The following LMNB2 variants were observed in gnomAD, a reference collection of about 807,000 sequenced individuals.
LMNB2 encodes lamin-B2.
Under a neutral mutation model 69.3 loss-of-function variants are expected in LMNB2, and 17 were observed. That is an observed-to-expected ratio of 0.25 (90% confidence interval 0.17 to 0.37). The LOEUF (loss-of-function observed/expected upper bound fraction) is 0.37. LMNB2 is among the 10% of genes least tolerant of loss of function. The pLI is 1.00. For synonymous variants in LMNB2, 397 were observed against 389.3 expected, an observed-to-expected ratio of 1.02 and a Z score of -0.23; for missense variants, 789 against 883.6, an observed-to-expected ratio of 0.89 and a Z score of 1.36.
intron 1 of LMNB2, 133 bp downstream of exon 1, chr19:2,456,526 GCCCCCCGAAAC>G: frequency 1.2e-6 from 1 of 836,822 alleles, no homozygotes; most frequent in Non-Finnish European, 1.6e-6. Flanking sequence ...TCACTCAGGG[GCCCCCCGAAAC>G]CCCGCGGAAA....
chr19:2,435,010 G>T lies in LMNB2; in HGVS notation c.846C>A (p.Tyr282Ter). The T allele has an allele frequency of 6.2e-7, 1 of 1,607,622 alleles. No homozygotes were observed. Residue 282 changes from tyrosine (Y) to a stop codon, truncating the protein, a stop_gained, in exon 5 of 12, where the codon TAC becomes TAA. Transcript: ENST00000325327. LOFTEE classifies it high-confidence loss of function. The stretch of plus-strand genomic sequence containing the variant: ...CGCCTGCCGGCCACACCTTGGCCTG[G>T]TAGGTCTGCTCCAGCTCCAGCTTGT... ...RLYKLELEQT[Y>*]QAKLDSAKLS... is the part of the protein sequence containing the mutation.
chr19:2,433,809 C>T lies in LMNB2; in HGVS notation c.1482+17G>A. The T allele has an allele frequency of 6.2e-7, 1 of 1,613,086 alleles. No homozygotes were observed. The highest frequency in any genetic ancestry group is 8.5e-7 in the Non-Finnish European group (1 of 1,179,850). On this transcript the variant is annotated intron_variant, in intron 8 of 11. Coordinates refer to ENST00000325327, the MANE Select transcript of LMNB2 (RefSeq NM_032737.4). Reference sequence around the variant, plus strand: ...TGGGTCACCCCGTTACCCCCATGCCCCGGTCTTTCCGGTCACCTTGTCCGA... The same window carrying T: ...TGGGTCACCCCGTTACCCCCATGCCTCGGTCTTTCCGGTCACCTTGTCCGA...
chr19:2,450,077 A>G (rs1458755490), intron 1 of LMNB2, among the ~76,000 whole-genome samples: 1 of 136,270 alleles, frequency 7.3e-6, no homozygotes, highest in Non-Finnish European at 1.5e-5. Flanking sequence ...TCCGTCTCAA[A>G]AAAAAGAAAA....
intron 1 of LMNB2, among the ~76,000 whole-genome samples, chr19:2,456,320 C>T (rs530488459): frequency 6.7e-6 from 1 of 149,862 alleles, no homozygotes; most frequent in African/African-American, 2.5e-5. Context: ...GAGCCTGTCC[C>T]CGTCTGCACC....
chr19:2,450,166 C>A lies in LMNB2; in HGVS notation c.265-5626G>T, dbSNP rs186680274. Among the ~76,000 whole-genome samples, 4 of 146,280 alleles carry A rather than the reference C, an allele frequency of 2.7e-5. No individual in the cohort carries two copies. In the East Asian group the frequency reaches 8.7e-4, roughly 32 times the overall value. ...TAAAACATTACTCATCCCATCGCCC[C>A]AGCGTGACGATGAGCAAAACAACAC... is the stretch of plus-strand genomic sequence containing the variant. On this transcript the variant is annotated intron_variant, in intron 1 of 11. Transcript: ENST00000325327.
intron 1 of LMNB2, among the ~76,000 whole-genome samples, chr19:2,456,188 C>A (rs1972086084): frequency 6.7e-6 from 1 of 149,342 alleles, no homozygotes; most frequent in South Asian, 2.1e-4. Flanking sequence ...CGAGGCCGGA[C>A]TGTCCCCGTC....
intron 2 of LMNB2, 83 bp downstream of exon 2, chr19:2,444,321 G>T: frequency 6.6e-7 from 1 of 1,522,068 alleles, no homozygotes; most frequent in Non-Finnish European, 9.0e-7. Context: ...AGCATGCCCC[G>T]CACGAGCCCA....
At position 2,429,427 on chromosome 19, in the gene LMNB2, G is replaced by C. The variant is rs1023169831; in HGVS notation, c.*1484C>G. On this transcript the variant is annotated 3_prime_UTR_variant, in exon 12 of 12. Coordinates refer to ENST00000325327, the MANE Select transcript of LMNB2 (RefSeq NM_032737.4). ...CGGGACTTCTGAGAGCAAGGACAGC[G>C]AGCAGGGGCTACGTGGAGCAGCGGG... The C allele has an allele frequency of 6.6e-6, 1 of 152,320 alleles. No homozygotes were observed. The highest frequency in any genetic ancestry group is 1.5e-5 in the Non-Finnish European group (1 of 68,080). 9.4% of individuals were successfully genotyped at this position (152,320 alleles called of 1,614,324 possible). A position where few individuals can be genotyped will look rare whatever the true frequency, so the allele number is the denominator to read the frequency against.
rs765558146 is a variant in LMNB2, at chr19:2,434,447, C to T, written c.1050G>A (p.Arg350=). 23 of 1,613,376 alleles carry T rather than the reference C, an allele frequency of 1.4e-5. No homozygotes were observed. The highest frequency in any genetic ancestry group is 1.5e-5 in the Non-Finnish European group (18 of 1,179,998). ...CCTGCTCCTTGGCGTCCAGCATCTT[C>T]CGGAACTTGTCCCGCTCCCCGGCCA... ...EAMAGERDKF[R]KMLDAKEQEM... The change falls in exon 7 of 12, where the codon CGG becomes CGA. Residue 350 remains arginine (R), a synonymous_variant. Transcript: ENST00000325327.
intron 1 of LMNB2, among the ~76,000 whole-genome samples, chr19:2,450,236 C>T (rs546199348): frequency 6.6e-5 from 10 of 152,154 alleles, no homozygotes; most frequent in Middle Eastern, 3.4e-3. Flanking sequence ...CTGCCCAGCC[C>T]GCTCAGGACC....
chr19:2,456,089 T>C (rs1972084671), intron 1 of LMNB2, among the ~76,000 whole-genome samples: 1 of 148,328 alleles, frequency 6.7e-6, no homozygotes, highest in Admixed American at 6.7e-5. Flanking sequence ...TCGTTCAGAG[T>C]CCCCCGCGAT....
At chr19:2,448,503 G>C (rs1971984442) in intron 1 of LMNB2, among the ~76,000 whole-genome samples, 1 of 152,186 alleles carries the variant, frequency 6.6e-6, no homozygotes, top group Admixed American at 6.6e-5. Flanking sequence ...GCAGCCACAC[G>C]CACAGAGGCA....
chr19:2,432,107 G>A lies in LMNB2; in HGVS notation c.1591-205C>T, dbSNP rs185921929. ...AGAGGCCAAGGGCTCTTGGCAAGCAGGGGCTGAACTGGGATCTGACACCCA... is the reference window on the plus strand; with the variant it reads ...AGAGGCCAAGGGCTCTTGGCAAGCAAGGGCTGAACTGGGATCTGACACCCA... On this transcript the variant is annotated intron_variant, in intron 9 of 11. Transcript: ENST00000325327. Among the ~76,000 whole-genome samples the A allele has an allele frequency of 7.2e-4, 109 of 152,288 alleles. 1 individual carries two copies. Among genetic ancestry groups the A allele is most frequent in the Admixed American group, 2.2e-3 (34 of 15,308 alleles).
At chr19:2,445,050 G>A (rs1466854908) in intron 1 of LMNB2, among the ~76,000 whole-genome samples, 6 of 152,170 alleles carry the variant, frequency 3.9e-5, no homozygotes, top group Non-Finnish European at 8.8e-5. Flanking sequence ...CTGGTGGGAT[G>A]TTTAATCAAG....
chr19:2,434,306 G>A lies in LMNB2; in HGVS notation c.1191C>T (p.Gly397=), dbSNP rs1255742998. The change falls in exon 7 of 12, where the codon GGC becomes GGT. Residue 397 remains glycine, a synonymous_variant. Transcript: ENST00000325327. ...EINAYRKLLE[G]EEERLKLSPS... is the part of the protein sequence containing the mutation. ...CTGGCCTGCCGCACCTCTCCTCCTC[G>A]CCCTCCAGGAGCTTCCGGTAGGCGT... The A allele has an allele frequency of 6.2e-7, 1 of 1,612,346 alleles. No homozygotes were observed. Among genetic ancestry groups the A allele is most frequent in the South Asian group, 1.1e-5 (1 of 91,066 alleles).
chr19:2,452,161 C>T (rs1439722616), intron 1 of LMNB2, among the ~76,000 whole-genome samples: 1 of 152,198 alleles, frequency 6.6e-6, no homozygotes, highest in Admixed American at 6.5e-5. Context: ...TTGTATATGG[C>T]GATTCATCCA....
Position 2,447,129 on chromosome 19 carries a change from G to A in LMNB2, c.265-2589C>T, listed in dbSNP as rs1199814579. 6.6e-6 allele frequency among the ~76,000 whole-genome samples: 1 copy of A among 151,922 alleles called. No individual in the cohort carries two copies. The highest frequency in any genetic ancestry group is 6.6e-5 in the Admixed American group (1 of 15,244). On this transcript the variant is annotated intron_variant, in intron 1 of 11. Transcript: ENST00000325327. This position sits in a 1 kb window ranked among gnomAD's most constrained non-coding sequence, Gnocchi z 4.4. ...ACTGCCCTCCAGCCTGGGAGACAGA[G>A]CGAGACTCAGTTTCAAAATAAATAA... is the stretch of plus-strand genomic sequence containing the variant.
At chr19:2,455,761 C>T (rs936003733) in intron 1 of LMNB2, among the ~76,000 whole-genome samples, 3 of 151,994 alleles carry the variant, frequency 2.0e-5, no homozygotes, top group African/African-American at 7.2e-5. Flanking sequence ...CCCAAGATCT[C>T]GGAAACTGCG....
chr19:2,442,371 C>T (rs1435212553), intron 2 of LMNB2, among the ~76,000 whole-genome samples: 1 of 152,036 alleles, frequency 6.6e-6, no homozygotes, highest in Non-Finnish European at 1.5e-5. Flanking sequence ...GCGGGTGGAT[C>T]GCTTAAGTCC....
Sources: gnomAD v4.1 joint callset for allele counts (sites outside exome capture counted in the v4.1 genomes callset) on GRCh38, gnomAD v4.1.1 for gene constraint, Gnocchi (gnomAD v3.1) non-coding constraint, MANE v1.5 for transcripts, NCBI Gene and HGNC (gene_info 2026-07-23, HGNC 2026-07-21) for gene names.